FTCDNL1: variants seen among roughly 807,000 people sequenced by gnomAD.
FTCDNL1 encodes formiminotransferase N-terminal subdomain-containing protein.
Under a neutral mutation model 5.9 loss-of-function variants are expected in FTCDNL1, and 11 were observed. The observed-to-expected ratio is 1.87, with a 90% CI of 1.18 to 3.10. The LOEUF (loss-of-function observed/expected upper bound fraction) is 3.10, where lower values mean the gene tolerates loss of function less well. Among genes scored for constraint, FTCDNL1 ranks in the 30% most tolerant of loss-of-function variants. The pLI is 0.00. For missense variants in FTCDNL1, 115 were observed against 65.5 expected (o/e 1.76, Z -2.61); for synonymous variants, 58 against 24.8 (o/e 2.34, Z -3.99).
intron 3 of FTCDNL1, among the ~76,000 whole-genome samples, chr2:199,834,892 C>G (rs887644431): frequency 3.3e-5 from 5 of 152,092 alleles, no homozygotes; most frequent in African/African-American, 1.2e-4. Flanking sequence ...GTCAGAAATT[C>G]TAGCTGTGTG....
the FTCDNL1 span, among the ~76,000 whole-genome samples, chr2:199,669,723 A>G: frequency 3.3e-5 from 5 of 152,210 alleles, no homozygotes; most frequent in East Asian, 7.7e-4. Flanking sequence ...AGCCAGTAAA[A>G]TAATACACAG....
the FTCDNL1 span, among the ~76,000 whole-genome samples, chr2:199,721,039 A>G: frequency 3.3e-5 from 5 of 152,210 alleles, no homozygotes; most frequent in African/African-American, 1.2e-4. Flanking sequence ...GGGGCAAGAG[A>G]AAAGGAGAAC....
the FTCDNL1 span, among the ~76,000 whole-genome samples, chr2:199,751,909 G>A: frequency 1.2e-3 from 188 of 151,994 alleles, no homozygotes; most frequent in South Asian, 3.5e-3. Context: ...ATTAGTCTTG[G>A]GGGGCCAGTT....
chr2:199,669,694 T>A, the FTCDNL1 span, among the ~76,000 whole-genome samples: 1 of 152,198 alleles, frequency 6.6e-6, no homozygotes, highest in Admixed American at 6.5e-5. Flanking sequence ...TGCCGAACCT[T>A]TTGTTTGTGA....
chr2:199,819,981 G>C (rs1523818), intron 3 of FTCDNL1, among the ~76,000 whole-genome samples: 9 of 152,090 alleles, frequency 5.9e-5, no homozygotes, highest in African/African-American at 9.7e-5. Flanking sequence ...AGCTTAAACA[G>C]AATGAATGCT....
the FTCDNL1 span, among the ~76,000 whole-genome samples, chr2:199,719,292 A>G: frequency 1.2e-3 from 185 of 152,270 alleles, 1 homozygote; most frequent in African/African-American, 4.3e-3. Context: ...CTTATTGAAT[A>G]AAGTGTTCTT....
chr2:199,695,632 G>A, the FTCDNL1 span, among the ~76,000 whole-genome samples: 1 of 152,148 alleles, frequency 6.6e-6, no homozygotes, highest in African/African-American at 2.4e-5. Flanking sequence ...TGGGGAAGGG[G>A]TGACTTGAAT....
intron 3 of FTCDNL1, among the ~76,000 whole-genome samples, chr2:199,820,863 A>C (rs956087604): frequency 3.9e-5 from 6 of 152,244 alleles, no homozygotes; most frequent in Admixed American, 2.6e-4. Flanking sequence ...CTGATATACG[A>C]AATGTAGGTG....
At chr2:199,688,801 A>G in the FTCDNL1 span, among the ~76,000 whole-genome samples, 6 of 152,212 alleles carry the variant, frequency 3.9e-5, no homozygotes, top group South Asian at 4.1e-4. Flanking sequence ...CAATCTCAGT[A>G]CAGTTCTGCC....
intron 3 of FTCDNL1, among the ~76,000 whole-genome samples, chr2:199,824,122 T>C (rs1379006121): frequency 6.6e-6 from 1 of 152,220 alleles, no homozygotes; most frequent in Admixed American, 6.5e-5. Flanking sequence ...CCTACCTTCA[T>C]CCTTGCTCTT....
chr2:199,673,551 G>A, the FTCDNL1 span, among the ~76,000 whole-genome samples: 1 of 151,836 alleles, frequency 6.6e-6, no homozygotes, highest in Non-Finnish European at 1.5e-5. Flanking sequence ...CCTACTATAT[G>A]CTAGGCATGT....
At chr2:199,845,497 G>A (rs952647894) in intron 3 of FTCDNL1, among the ~76,000 whole-genome samples, 5 of 152,074 alleles carry the variant, frequency 3.3e-5, no homozygotes, top group Admixed American at 2.0e-4. Flanking sequence ...CTTGAACCCC[G>A]GAGGCAGAGG....
At chr2:199,746,738 A>G in the FTCDNL1 span, among the ~76,000 whole-genome samples, 4 of 151,870 alleles carry the variant, frequency 2.6e-5, no homozygotes, top group Non-Finnish European at 5.9e-5. Context: ...CGAGAATCAC[A>G]AGCAGATGGC....
chr2:199,711,317 A>G, the FTCDNL1 span, among the ~76,000 whole-genome samples: 57 of 136,728 alleles, frequency 4.2e-4, no homozygotes, highest in Middle Eastern at 3.8e-3. Context: ...TAAAGAATAC[A>G]GACCCATATG....
the FTCDNL1 span, among the ~76,000 whole-genome samples, chr2:199,743,547 G>A: frequency 7.8e-6 from 1 of 127,472 alleles, no homozygotes; most frequent in African/African-American, 3.0e-5. Context: ...AGGTGTAGAT[G>A]GAGTGGTGGA....
intron 3 of FTCDNL1, among the ~76,000 whole-genome samples, chr2:199,788,500 A>C (rs894760333): frequency 2.0e-5 from 3 of 152,244 alleles, no homozygotes; most frequent in African/African-American, 4.8e-5. Flanking sequence ...TAAAATAGAA[A>C]GAGAAATTAG....
At chr2:199,800,145 TAGG>T (rs1700371941) in intron 3 of FTCDNL1, among the ~76,000 whole-genome samples, 1 of 152,122 alleles carries the variant, frequency 6.6e-6, no homozygotes, top group African/African-American at 2.4e-5. Context: ...CTGGTGATCT[TAGG>T]AGACTTTTCT....
chr2:199,760,483 G>A (rs1445729772), downstream of FTCDNL1: 1 of 247,908 alleles, frequency 4.0e-6, no homozygotes, highest in Non-Finnish European at 7.9e-6. Flanking sequence ...AAACACAAAT[G>A]CCTTTAACAC....
At chr2:199,751,657 C>T in the FTCDNL1 span, among the ~76,000 whole-genome samples, 2 of 152,092 alleles carry the variant, frequency 1.3e-5, no homozygotes, top group South Asian at 2.1e-4. Flanking sequence ...TCTCTCTGCC[C>T]GACTGCATGC....
Sources: gnomAD v4.1 joint callset for allele counts (sites outside exome capture counted in the v4.1 genomes callset) on GRCh38, gnomAD v4.1.1 for gene constraint, MANE v1.5 for transcripts, NCBI Gene and HGNC (gene_info 2026-07-23, HGNC 2026-07-21) for gene names.